Variants in CCDC66 observed in about 807,000 individuals in gnomAD.
CCDC66 encodes the protein coiled-coil domain containing 66, also known as coiled-coil domain-containing protein 66.
Under a neutral mutation model 128.3 loss-of-function variants are expected in CCDC66, and 133 were observed. The observed-to-expected ratio is 1.04, with a 90% CI of 0.90 to 1.20. The LOEUF is 1.20. Ranked by LOEUF, CCDC66 falls within the 50% of genes most tolerant of loss-of-function variation. The pLI is 0.00. For missense variants in CCDC66, 1,126 were observed against 1,075.5 expected (o/e 1.05, Z -0.66); for synonymous variants, 387 against 357.0 (o/e 1.08, Z -0.95).
At chr3:56,589,261 A>G (rs576507096) in intron 7 of CCDC66, among the ~76,000 whole-genome samples, 42 of 152,344 alleles carry the variant, frequency 2.8e-4, no homozygotes, top group East Asian at 7.7e-4. Flanking sequence ...GCAGTAAATC[A>G]GAATGGTACT....
chr3:56,583,616 G>A (rs977464003), intron 7 of CCDC66, among the ~76,000 whole-genome samples: 3 of 151,844 alleles, frequency 2.0e-5, no homozygotes, highest in African/African-American at 7.2e-5. Context: ...AGGGTTGGGG[G>A]CAAGGTCATA....
At chr3:56,615,012 A>C in intron 11 of CCDC66, 116 bp from the exon 12 acceptor site, 2 of 959,210 alleles carry the variant, frequency 2.1e-6, no homozygotes, top group South Asian at 3.8e-5. Flanking sequence ...TTGTACCCTT[A>C]GTGTCTAAAC....
rs2071200185 is a variant in CCDC66, at chr3:56,592,976, G to T, written c.943G>T (p.Val315Leu). ...HQILDQSRET[V>L]LLEHPFSAVK... ...TTTTATGGCTGTTGTTTAGGAAACAGTACTGCTGGAGCACCCTTTCAGTGC... is the reference window on the plus strand; with the variant it reads ...TTTTATGGCTGTTGTTTAGGAAACATTACTGCTGGAGCACCCTTTCAGTGC... The change falls in exon 8 of 18, where the codon GTA (valine) becomes TTA (leucine). Residue 315 changes from valine to leucine, a missense_variant. Val to Leu is a conservative substitution (Grantham distance 32). Coordinates refer to ENST00000394672, the MANE Select transcript of CCDC66 (RefSeq NM_001141947.3). 3 of 1,608,070 alleles carry T rather than the reference G, an allele frequency of 1.9e-6. No individual in the cohort carries two copies. The African/African-American group carries it at 4.0e-5, about 22-fold the overall frequency.
intron 7 of CCDC66, among the ~76,000 whole-genome samples, chr3:56,589,808 T>G (rs2070529666): frequency 1.3e-5 from 2 of 152,048 alleles, no homozygotes; most frequent in African/African-American, 4.8e-5. Flanking sequence ...AACTAAACAT[T>G]CACTAATTAG....
At position 56,586,247 on chromosome 3, in the gene CCDC66, G is replaced by A. The variant is rs114172832; in HGVS notation, c.937-6723G>A. Among the ~76,000 whole-genome samples the A allele has an allele frequency of 6.1e-3, 929 of 152,018 alleles. 8 individuals carry two copies. The highest frequency in any genetic ancestry group is 0.019 in the African/African-American group (803 of 41,538). ...AAGAATGTACAAAACTAAAGTAACCGGCCAGGCGTGGTGGCTCACGCCTGT... is the reference window on the plus strand; with the variant it reads ...AAGAATGTACAAAACTAAAGTAACCAGCCAGGCGTGGTGGCTCACGCCTGT... On this transcript the variant is annotated intron_variant, in intron 7 of 17. Transcript: ENST00000394672.
rs780153113 is a variant in CCDC66, at chr3:56,615,259, T to G, written c.1698T>G (p.Ile566Met). Residue 566 changes from isoleucine to methionine, a missense_variant, in exon 12 of 18, where the codon ATT becomes ATG. By Grantham distance (10) the Ile-to-Met change is conservative. Transcript: ENST00000394672. ...AQKGHDTSRL[I>M]KNLGVDTIQM... The stretch of plus-strand genomic sequence containing the variant: ...AGGGACATGACACTTCTAGACTGAT[T>G]AAAAATCTTGGTGGTAAGGGCCTAA... The G allele has an allele frequency of 1.9e-6, 3 of 1,610,850 alleles. No individual in the cohort carries two copies. In the Admixed American group the frequency reaches 5.0e-5, roughly 27 times the overall value.
In CCDC66 at chr3:56,563,601, A is replaced by G. The variant is rs142104279; in HGVS notation, c.103-83A>G. 3.6e-6 allele frequency: 4 copies of G among 1,114,752 alleles called. No homozygotes were observed. In the East Asian group the frequency reaches 1.0e-4, roughly 29 times the overall value. 69.1% of individuals were successfully genotyped at this position (1,114,752 alleles called of 1,614,324 possible). ...AGCAAAATGGAAAAAAGTTTAGAGG[A>G]CTGATTTATCACAGATCATATAAAG... is the stretch of plus-strand genomic sequence containing the variant. On this transcript the variant is annotated intron_variant, in intron 3 of 17. Transcript: ENST00000394672.
At chr3:56,616,167 G>A in intron 13 of CCDC66, 114 bp downstream of exon 13, 1 of 907,484 alleles carries the variant, frequency 1.1e-6, no homozygotes, top group Non-Finnish European at 1.7e-6. Flanking sequence ...GAGGTTTTCA[G>A]TAAGAGTTAC....
chr3:56,581,493 G>A (rs549384717), intron 7 of CCDC66, among the ~76,000 whole-genome samples: 1 of 151,936 alleles, frequency 6.6e-6, no homozygotes, highest in Non-Finnish European at 1.5e-5. Context: ...GAGGTGCTCT[G>A]ATTTTTAGAA....
At chr3:56,602,166 T>A (rs949643350) in intron 10 of CCDC66, among the ~76,000 whole-genome samples, 3 of 151,996 alleles carry the variant, frequency 2.0e-5, no homozygotes, top group South Asian at 2.1e-4. Context: ...TTATTGAGAG[T>A]TTTTAGCATG....
intron 10 of CCDC66, among the ~76,000 whole-genome samples, chr3:56,604,573 A>AT (rs1413633949): frequency 1.3e-5 from 2 of 151,484 alleles, no homozygotes; most frequent in African/African-American, 4.9e-5. Context: ...CGGGTTGAAA[A>AT]TTCTTTTTTT....
At chr3:56,584,792 C>T (rs2069305583) in intron 7 of CCDC66, among the ~76,000 whole-genome samples, 1 of 151,918 alleles carries the variant, frequency 6.6e-6, no homozygotes, top group Admixed American at 6.6e-5. Context: ...TGCACTCCAG[C>T]CTGGGCAACA....
At chr3:56,600,340 C>T (rs932118766) in intron 10 of CCDC66, among the ~76,000 whole-genome samples, 1 of 151,584 alleles carries the variant, frequency 6.6e-6, no homozygotes, top group Non-Finnish European at 1.5e-5. Context: ...GTACAGAGAG[C>T]ATTTCACCAT....
At chr3:56,603,696 T>G (rs1260687387) in intron 10 of CCDC66, among the ~76,000 whole-genome samples, 1 of 152,018 alleles carries the variant, frequency 6.6e-6, no homozygotes, top group Non-Finnish European at 1.5e-5. Flanking sequence ...GAGGAGTGTT[T>G]TACTTCCAAT....
At chr3:56,601,454 G>A (rs1367604139) in intron 10 of CCDC66, among the ~76,000 whole-genome samples, 1 of 152,030 alleles carries the variant, frequency 6.6e-6, no homozygotes, top group Non-Finnish European at 1.5e-5. Context: ...TTGGCTGTTT[G>A]GGCTGTTTTT....
intron 7 of CCDC66, chr3:56,572,292 GAAAC>G (rs2066739655): frequency 9.0e-7 from 1 of 1,114,186 alleles, no homozygotes; most frequent in Admixed American, 2.3e-5. Flanking sequence ...TTTGGGTAAA[GAAAC>G]AGTGTCACTG....
In CCDC66 at chr3:56,602,528, T is replaced by C. The variant is rs529725541; in HGVS notation, c.1404+8500T>C. ...GGAGGATTCCCTCTATTTCTATTGA[T>C]TGGAATAGTTTCAGAAGGAATGGTA... On this transcript the variant is annotated intron_variant, in intron 10 of 17. Coordinates refer to ENST00000394672, the MANE Select transcript of CCDC66 (RefSeq NM_001141947.3). Among the ~76,000 whole-genome samples the C allele has an allele frequency of 6.6e-4, 101 of 152,184 alleles. 2 individuals are homozygous for C. Among genetic ancestry groups the C allele is most frequent in the African/African-American group, 2.3e-3 (94 of 41,438 alleles).
intron 3 of CCDC66, chr3:56,560,837 C>G: frequency 2.2e-6 from 1 of 451,254 alleles, no homozygotes; most frequent in Non-Finnish European, 4.4e-6. Flanking sequence ...CCATAACTTA[C>G]TACAGCCCCC....
At chr3:56,610,093 G>T (rs1245983003) in intron 10 of CCDC66, among the ~76,000 whole-genome samples, 1 of 152,148 alleles carries the variant, frequency 6.6e-6, no homozygotes, top group Non-Finnish European at 1.5e-5. Context: ...GGTGTTCTTT[G>T]TGCTTCTTGT....
Sources: allele counts gnomAD v4.1 joint callset (sites outside exome capture counted in the v4.1 genomes callset), GRCh38; gene constraint gnomAD v4.1.1; transcripts MANE v1.5; gene names NCBI Gene and HGNC (gene_info 2026-07-23, HGNC 2026-07-21).